Variants in STX18 observed in about 807,000 individuals in gnomAD.
The protein encoded by STX18 is syntaxin 18, also known as syntaxin-18.
STX18 carries 40 observed loss-of-function variants against 50.1 expected under a neutral mutation model. That is an observed-to-expected ratio of 0.80 (90% CI 0.62 to 1.04). The LOEUF (loss-of-function observed/expected upper bound fraction) is 1.04, where lower values mean the gene tolerates loss of function less well. Among genes scored for constraint, STX18 ranks in the 50% least tolerant of loss-of-function variants. STX18 has a pLI of 0.00. For missense variants in STX18, 410 were observed against 415.8 expected, an observed-to-expected ratio of 0.99 and a Z score of 0.12; for synonymous variants, 158 against 151.8, an observed-to-expected ratio of 1.04 and a Z score of -0.30.
At chr4:4,538,840 T>C (rs527884904) in intron 1 of STX18, among the ~76,000 whole-genome samples, 1 of 152,282 alleles carries the variant, frequency 6.6e-6, no homozygotes, top group Non-Finnish European at 1.5e-5. Context: ...ATGAGTTAAC[T>C]AATCAAATTC....
At chr4:4,521,866 A>T (rs1262452638) in intron 1 of STX18, among the ~76,000 whole-genome samples, 1 of 152,240 alleles carries the variant, frequency 6.6e-6, no homozygotes, top group East Asian at 1.9e-4. Context: ...TGTTAAATAT[A>T]AAGAAATGTT....
At chr4:4,515,324 GA>G (rs1730201327) in intron 1 of STX18, among the ~76,000 whole-genome samples, 1 of 151,942 alleles carries the variant, frequency 6.6e-6, no homozygotes, top group Non-Finnish European at 1.5e-5. Flanking sequence ...CTAAATAATG[GA>G]AAAAAAGAAC....
chr4:4,539,589 A>T (rs4689879), intron 1 of STX18, among the ~76,000 whole-genome samples: 33,755 of 152,176 alleles, frequency 0.22, 4,107 homozygotes, highest in African/African-American at 0.33. Flanking sequence ...ACAGCCCATG[A>T]ACTCACTTAA....
chr4:4,473,506 G>C (rs1423213266), intron 1 of STX18, among the ~76,000 whole-genome samples: 3 of 152,068 alleles, frequency 2.0e-5, no homozygotes. Flanking sequence ...TGTTAGCCAG[G>C]ATGGTCCCGA....
chr4:4,499,130 C>T (rs903119350), intron 1 of STX18, among the ~76,000 whole-genome samples: 18 of 152,170 alleles, frequency 1.2e-4, no homozygotes, highest in African/African-American at 4.3e-4. Flanking sequence ...AACAAACTTT[C>T]CTTAAAAGAT....
chr4:4,490,098 C>A (rs377566541), intron 1 of STX18, among the ~76,000 whole-genome samples: 1 of 152,064 alleles, frequency 6.6e-6, no homozygotes, highest in Non-Finnish European at 1.5e-5. Flanking sequence ...AATAAATTTA[C>A]AATAAAAATG....
At chr4:4,534,289 T>C (rs1336919757) in intron 1 of STX18, among the ~76,000 whole-genome samples, 1 of 152,208 alleles carries the variant, frequency 6.6e-6, no homozygotes. Context: ...CTTGGATCTA[T>C]TCTCTACTAT....
intron 8 of STX18, chr4:4,423,819 T>C: frequency 3.6e-6 from 2 of 553,562 alleles, no homozygotes; most frequent in South Asian, 2.1e-5. Flanking sequence ...AAGTCCACTC[T>C]ACCATGCCAA....
intron 5 of STX18, among the ~76,000 whole-genome samples, chr4:4,452,207 G>C (rs1266691595): frequency 6.6e-6 from 1 of 152,178 alleles, no homozygotes; most frequent in Admixed American, 6.5e-5. Flanking sequence ...AAGTTGGAAG[G>C]CAGCAGAGGT....
intron 1 of STX18, chr4:4,476,226 G>A (rs565950905): frequency 4.6e-5 from 7 of 152,170 alleles, no homozygotes; most frequent in African/African-American, 1.4e-4. Context: ...AGAGAGGAAG[G>A]GTATGGACAA....
chr4:4,421,969 G>C (rs1724991070), intron 9 of STX18, among the ~76,000 whole-genome samples: 1 of 152,152 alleles, frequency 6.6e-6, no homozygotes, highest in Non-Finnish European at 1.5e-5. Flanking sequence ...AGGAGTGCCT[G>C]CTTCTCTCCT....
chr4:4,469,557 G>A (rs1727804835), intron 2 of STX18, among the ~76,000 whole-genome samples: 1 of 152,078 alleles, frequency 6.6e-6, no homozygotes, highest in African/African-American at 2.4e-5. Context: ...TGAGGGATGA[G>A]ATAAAGGATA....
At chr4:4,447,231 G>T (rs77829243) in intron 5 of STX18, among the ~76,000 whole-genome samples, 5,711 of 152,166 alleles carry the variant, frequency 0.038, 361 homozygotes, top group African/African-American at 0.13. Context: ...AGAATTTTCA[G>T]ATTTTTTTTT....
rs1317458116 is a variant in STX18 at position 4,472,313 on chromosome 4, A to C, written c.169-607T>G. Among the ~76,000 whole-genome samples, 3 of 152,244 alleles carry C rather than the reference A, an allele frequency of 2.0e-5. No homozygotes were observed. The East Asian group carries it at 5.8e-4, about 29-fold the overall frequency. On this transcript the variant is annotated intron_variant, in intron 1 of 10. Coordinates refer to ENST00000306200, the MANE Select transcript of STX18 (RefSeq NM_016930.4). ...AAACCTATTCTAAAGCACCTACTACATGCCAGGTACTGTGCATGGAACTAG... is the reference window on the plus strand; with the variant it reads ...AAACCTATTCTAAAGCACCTACTACCTGCCAGGTACTGTGCATGGAACTAG...
chr4:4,530,714 TC>T (rs1269457174), intron 1 of STX18, among the ~76,000 whole-genome samples: 1 of 152,126 alleles, frequency 6.6e-6, no homozygotes, highest in Non-Finnish European at 1.5e-5. Context: ...CAAGCAATCC[TC>T]CCACCTCAGC....
intron 1 of STX18, among the ~76,000 whole-genome samples, chr4:4,515,939 C>T (rs62286515): frequency 0.15 from 23,156 of 152,024 alleles, 1,836 homozygotes; most frequent in Non-Finnish European, 0.18. Context: ...ATAGCTGATA[C>T]AAAAGCTTTT....
chr4:4,465,824 A>G (rs957518948), intron 2 of STX18, among the ~76,000 whole-genome samples: 1 of 152,234 alleles, frequency 6.6e-6, no homozygotes, highest in African/African-American at 2.4e-5. Flanking sequence ...TCATATCTGC[A>G]ATGTTACCTG....
At chr4:4,421,247 C>A (rs1033188996) in intron 9 of STX18, among the ~76,000 whole-genome samples, 2 of 152,038 alleles carry the variant, frequency 1.3e-5, no homozygotes, top group East Asian at 1.9e-4. Context: ...TTTTATGAAA[C>A]GGAAACTCAC....
intron 1 of STX18, among the ~76,000 whole-genome samples, chr4:4,538,855 T>C (rs1731456586): frequency 6.6e-6 from 1 of 152,188 alleles, no homozygotes; most frequent in Admixed American, 6.5e-5. Context: ...AAATTCCCAT[T>C]GCAGAGTGAC....
Sources: allele counts gnomAD v4.1 joint callset (sites outside exome capture counted in the v4.1 genomes callset), GRCh38; gene constraint gnomAD v4.1.1; transcripts MANE v1.5; gene names NCBI Gene and HGNC (gene_info 2026-07-23, HGNC 2026-07-21).